Variants in ADAP1 observed in about 807,000 individuals in gnomAD.
The protein encoded by ADAP1 is arf-GAP with dual PH domain-containing protein 1.
Under a neutral mutation model 54.9 loss-of-function variants are expected in ADAP1, and 31 were observed. That is an observed-to-expected ratio of 0.56 (90% confidence interval 0.42 to 0.76). ADAP1 has a LOEUF of 0.76. Among genes scored for constraint, ADAP1 ranks in the 30% least tolerant of loss-of-function variants. The pLI is 0.00. For missense variants in ADAP1, 535 were observed against 512.4 expected (o/e 1.04, Z -0.42); for synonymous variants, 313 against 202.6 (o/e 1.55, Z -4.63).
chr7:927,320 C>G (rs1056631693), intron 2 of ADAP1: 1 of 1,101,742 alleles, frequency 9.1e-7, no homozygotes, highest in African/African-American at 1.6e-5. Flanking sequence ...GCGCAAAGGC[C>G]CTGAGGGTGG....
At chr7:905,256 A>T in intron 4 of ADAP1, 84 bp from the exon 5 acceptor site, 1 of 860,614 alleles carries the variant, frequency 1.2e-6, no homozygotes, top group South Asian at 1.4e-5. Flanking sequence ...GACAGAGGGG[A>T]CATGGGGAGA....
At chr7:916,410 G>T (rs1355336382) in intron 4 of ADAP1, among the ~76,000 whole-genome samples, 1 of 152,134 alleles carries the variant, frequency 6.6e-6, no homozygotes, top group Non-Finnish European at 1.5e-5. Context: ...CAACCAGAGG[G>T]TTCTGATACA....
intron 1 of ADAP1, among the ~76,000 whole-genome samples, chr7:949,139 T>G (rs1847209022): frequency 6.6e-6 from 1 of 152,246 alleles, no homozygotes; most frequent in Admixed American, 6.5e-5. Context: ...CCCCAGTGAC[T>G]GCACAGGGCA....
intron 1 of ADAP1, among the ~76,000 whole-genome samples, chr7:953,931 C>T (rs984922593): frequency 4.6e-5 from 7 of 152,162 alleles, no homozygotes; most frequent in African/African-American, 1.7e-4. Flanking sequence ...CAGGGACCCC[C>T]GGTGCGGGAA....
At position 945,217 on chromosome 7, in the gene ADAP1, A is replaced by G. The variant is rs943509226; in HGVS notation, c.82+9179T>C. Among the ~76,000 whole-genome samples, 2 of 152,178 alleles carry G rather than the reference A, an allele frequency of 1.3e-5. No individual in the cohort carries two copies. The highest frequency in any genetic ancestry group is 4.8e-5 in the African/African-American group (2 of 41,460). On this transcript the variant is annotated intron_variant, in intron 1 of 10. Coordinates refer to ENST00000265846, the MANE Select transcript of ADAP1 (RefSeq NM_006869.4). The surrounding 1 kb of genome is among the most constrained non-coding windows in gnomAD (Gnocchi z 4.2). The stretch of plus-strand genomic sequence containing the variant: ...AGGCCTCCTTCTCAGGCTGCTGGGC[A>G]TGGCCAGGCCTGCCTGCATCCGCAA...
Position 945,028 on chromosome 7 carries a change from T to C in ADAP1, c.82+9368A>G, listed in dbSNP as rs755689891. Reference sequence around the variant, plus strand: ...CCTTCTGATTTGAGTATGCTGAAGCTCTGCAGGGTGGGCTCACGTGTGTGT... The same window carrying C: ...CCTTCTGATTTGAGTATGCTGAAGCCCTGCAGGGTGGGCTCACGTGTGTGT... On this transcript the variant is annotated intron_variant, in intron 1 of 10. Coordinates refer to ENST00000265846, the MANE Select transcript of ADAP1 (RefSeq NM_006869.4). This position sits in a 1 kb window ranked among gnomAD's most constrained non-coding sequence, Gnocchi z 4.2. 9.2e-5 allele frequency among the ~76,000 whole-genome samples: 14 copies of C among 152,090 alleles called. No homozygotes were observed. The highest frequency in any genetic ancestry group is 1.3e-4 in the Non-Finnish European group (9 of 68,002).
In ADAP1 at chr7:904,272, C is replaced by T; in HGVS notation, c.502G>A (p.Ala168Thr). The T allele has an allele frequency of 6.3e-7, 1 of 1,587,338 alleles. No homozygotes were observed. The change falls in exon 6 of 11, where the codon GCC becomes ACC. Residue 168 changes from alanine (A) to threonine (T), a missense_variant and splice_region_variant. Physicochemically the swap from Ala to Thr is moderately conservative, Grantham distance 58 (BLOSUM62 0). Coordinates refer to ENST00000265846, the MANE Select transcript of ADAP1 (RefSeq NM_006869.4). ...TTCATCACGGCCTTGGGCTCCTTGG[C>T]CTGAGAAGGGGTGGGGTCTAAGCAC... ...GALKYFNRND[A>T]KEPKAVMKIE... is the part of the protein sequence containing the mutation.
chr7:900,760 C>A, intron 6 of ADAP1, 144 bp from the exon 7 acceptor site: 2 of 728,992 alleles, frequency 2.7e-6, no homozygotes, highest in Non-Finnish European at 4.7e-6. Context: ...TCCCAGCAGT[C>A]CTGCCGCAGG....
chr7:949,453 C>G (rs1165156866), intron 1 of ADAP1, among the ~76,000 whole-genome samples: 3 of 152,286 alleles, frequency 2.0e-5, no homozygotes, highest in African/African-American at 7.2e-5. Context: ...TGGCAAATGC[C>G]TCTGAGTCTA....
chr7:906,968 G>A (rs1277433035), intron 4 of ADAP1, among the ~76,000 whole-genome samples: 1 of 152,206 alleles, frequency 6.6e-6, no homozygotes, highest in Non-Finnish European at 1.5e-5. Flanking sequence ...TCCCCATCCT[G>A]AGTGGACATG....
intron 4 of ADAP1, among the ~76,000 whole-genome samples, chr7:906,738 A>ACG: frequency 3.9e-5 from 1 of 25,478 alleles, no homozygotes; most frequent in East Asian, 3.1e-3. Flanking sequence ...CATGGGGGAC[A>ACG]GAGTACATAG....
intron 1 of ADAP1, among the ~76,000 whole-genome samples, chr7:952,485 C>T (rs1408833301): frequency 6.6e-6 from 1 of 152,134 alleles, no homozygotes; most frequent in East Asian, 1.9e-4. Flanking sequence ...TACAGGAGGC[C>T]CCAGAGCAGC....
chr7:951,605 T>C (rs911789452), intron 1 of ADAP1, among the ~76,000 whole-genome samples: 2 of 149,452 alleles, frequency 1.3e-5, no homozygotes, highest in East Asian at 4.0e-4. Context: ...CATGGTGGCA[T>C]GGACCTGTAG....
chr7:905,214 G>A (rs538287726), intron 4 of ADAP1, 42 bp from the exon 5 acceptor site: 5 of 1,535,162 alleles, frequency 3.3e-6, no homozygotes, highest in East Asian at 2.3e-5. Flanking sequence ...AGTGGATGGG[G>A]GGGAGGAAAC....
Position 899,223 on chromosome 7 carries a change from C to T in ADAP1, c.906G>A (p.Lys302=). 1.2e-6 allele frequency: 2 copies of T among 1,612,804 alleles called. No individual in the cohort carries two copies. Among genetic ancestry groups the T allele is most frequent in the Non-Finnish European group, 1.7e-6 (2 of 1,179,970 alleles). Residue 302 remains lysine, a synonymous_variant, in exon 10 of 11, where the codon AAG becomes AAA. Coordinates refer to ENST00000265846, the MANE Select transcript of ADAP1 (RefSeq NM_006869.4). Reference sequence around the variant, plus strand: ...CATGCAGCACCGTGTAGCCACTCTCCTTGCTGCCAATGAAGACTTCCCCTC... The same window carrying T: ...CATGCAGCACCGTGTAGCCACTCTCTTTGCTGCCAATGAAGACTTCCCCTC... ...FARGEVFIGS[K]ESGYTVLHGF...
Position 899,278 on chromosome 7 carries a change from C to T in ADAP1, c.868-17G>A. Reference sequence around the variant, plus strand: ...GAAGGCGTCCTGTGGGTGGGGACCGCACTGGAGGCGGGGCCATGTCCCTTC... The same window carrying T: ...GAAGGCGTCCTGTGGGTGGGGACCGTACTGGAGGCGGGGCCATGTCCCTTC... On this transcript the variant is annotated splice_polypyrimidine_tract_variant and intron_variant, in intron 9 of 10. Transcript: ENST00000265846. 1.9e-6 allele frequency: 3 copies of T among 1,612,172 alleles called. No individual in the cohort carries two copies. In the South Asian group the frequency reaches 3.3e-5, roughly 18 times the overall value.
At chr7:916,585 G>A (rs1000047401) in intron 4 of ADAP1, among the ~76,000 whole-genome samples, 4 of 152,192 alleles carry the variant, frequency 2.6e-5, no homozygotes, top group Admixed American at 6.5e-5. Context: ...GGAGTGGAGC[G>A]AGGGGTGTGC....
rs1444078777 is a variant in ADAP1 at position 920,593 on chromosome 7, C to T, written c.306-543G>A. On this transcript the variant is annotated intron_variant, in intron 3 of 10. Coordinates refer to ENST00000265846, the MANE Select transcript of ADAP1 (RefSeq NM_006869.4). This position sits in a 1 kb window ranked among gnomAD's most constrained non-coding sequence, Gnocchi z 4.5. Reference sequence around the variant, plus strand: ...CACAGGACGGAGCTATCAGGGCACCCGTCGAGGTCAGGAGGCGTCCGGGGC... The same window carrying T: ...CACAGGACGGAGCTATCAGGGCACCTGTCGAGGTCAGGAGGCGTCCGGGGC... Among the ~76,000 whole-genome samples, 1 of 152,106 alleles carries T rather than the reference C, an allele frequency of 6.6e-6. No individual in the cohort carries two copies. The highest frequency in any genetic ancestry group is 2.4e-5 in the African/African-American group (1 of 41,420).
chr7:921,839 G>A (rs567773724), intron 3 of ADAP1, among the ~76,000 whole-genome samples: 1 of 152,218 alleles, frequency 6.6e-6, no homozygotes, highest in Non-Finnish European at 1.5e-5. Flanking sequence ...GTGGATGAGA[G>A]GCAGGTGCCA....
Sources: allele counts gnomAD v4.1 joint callset (sites outside exome capture counted in the v4.1 genomes callset), GRCh38; gene constraint gnomAD v4.1.1; non-coding constraint Gnocchi (gnomAD v3.1); transcripts MANE v1.5; gene names NCBI Gene and HGNC (gene_info 2026-07-23, HGNC 2026-07-21).